The following FAXDC2 variants were observed in gnomAD, a reference collection of about 807,000 sequenced individuals.
FAXDC2 encodes fatty acid hydroxylase domain containing 2, also known as fatty acid hydroxylase domain-containing protein 2.
Under a neutral mutation model 40.9 loss-of-function variants are expected in FAXDC2, and 41 were observed. The observed-to-expected ratio is 1.00, with a 90% CI of 0.78 to 1.30. FAXDC2 has a LOEUF of 1.30. Among genes scored for constraint, FAXDC2 ranks in the 50% most tolerant of loss-of-function variants. The pLI is 0.00. For missense variants in FAXDC2, 390 were observed against 408.8 expected, an observed-to-expected ratio of 0.95 and a Z score of 0.40; for synonymous variants, 157 against 149.3, an observed-to-expected ratio of 1.05 and a Z score of -0.38.
chr5:154,836,941 C>T (rs766054982), intron 2 of FAXDC2, among the ~76,000 whole-genome samples: 1 of 152,122 alleles, frequency 6.6e-6, no homozygotes, highest in African/African-American at 2.4e-5. Context: ...TCCCAAAATG[C>T]TGGGATTACA....
intron 4 of FAXDC2, among the ~76,000 whole-genome samples, chr5:154,833,720 G>A (rs563842002): frequency 2.0e-5 from 3 of 151,390 alleles, no homozygotes; most frequent in East Asian, 2.0e-4. Context: ...CCCAGCTGGA[G>A]TGCAGTGTCA....
At position 154,831,018 on chromosome 5, in the gene FAXDC2, C is replaced by T. The variant is rs1760175556; in HGVS notation, c.245-96G>A. On this transcript the variant is annotated intron_variant, in intron 4 of 8. Coordinates refer to ENST00000326080, the MANE Select transcript of FAXDC2 (RefSeq NM_032385.5). Reference sequence around the variant, plus strand: ...TTTTTTGTGGTGACTGAGGCTTCATCCTAGACATTTCTTTGCCAGGGAGGT... The same window carrying T: ...TTTTTTGTGGTGACTGAGGCTTCATTCTAGACATTTCTTTGCCAGGGAGGT... The T allele has an allele frequency of 3.4e-6, 5 of 1,473,642 alleles. No individual in the cohort carries two copies. In the Admixed American group the frequency reaches 8.9e-5, roughly 26 times the overall value. 91.3% of individuals were successfully genotyped at this position (1,473,642 alleles called of 1,614,324 possible).
intron 1 of FAXDC2, among the ~76,000 whole-genome samples, chr5:154,846,198 G>A (rs1259785173): frequency 1.3e-5 from 2 of 151,628 alleles, no homozygotes; most frequent in Non-Finnish European, 2.9e-5. Flanking sequence ...AGCACAGGGT[G>A]AGTGTCAGGG....
At chr5:154,838,292 A>T in intron 1 of FAXDC2, 114 bp from the exon 2 acceptor site, 1 of 960,044 alleles carries the variant, frequency 1.0e-6, no homozygotes, top group Non-Finnish European at 1.6e-6. Flanking sequence ...AAAAAAAAAA[A>T]ATTGGCTTGT....
At chr5:154,844,868 T>C (rs1343589200) in intron 1 of FAXDC2, among the ~76,000 whole-genome samples, 2 of 152,174 alleles carry the variant, frequency 1.3e-5, no homozygotes, top group Non-Finnish European at 2.9e-5. Flanking sequence ...TTATGGAAAC[T>C]GCGTATTGCT....
chr5:154,824,071 T>G (rs1425326988), intron 5 of FAXDC2: 2 of 232,998 alleles, frequency 8.6e-6, no homozygotes, highest in African/African-American at 4.5e-5. Flanking sequence ...CTCCCTGCAG[T>G]AGGCCCAGAG....
At chr5:154,844,752 A>G (rs1369484345) in intron 1 of FAXDC2, among the ~76,000 whole-genome samples, 1 of 152,214 alleles carries the variant, frequency 6.6e-6, no homozygotes, top group African/African-American at 2.4e-5. Flanking sequence ...ACAAAAACCA[A>G]GAGGAACTAG....
At chr5:154,844,354 C>T (rs1373082356) in intron 1 of FAXDC2, among the ~76,000 whole-genome samples, 3 of 150,770 alleles carry the variant, frequency 2.0e-5, no homozygotes, top group African/African-American at 7.3e-5. Flanking sequence ...TGCACTCCTG[C>T]CTGGATGACA....
rs1329630387 is a variant in FAXDC2, at chr5:154,834,865, C to T, written c.118G>A (p.Ala40Thr). Residue 40 changes from alanine (A) to threonine (T), a missense_variant, in exon 3 of 9, where the codon GCC (alanine) becomes ACC (threonine). Transcript: ENST00000326080. ...ILGSGLLSFV[A>T]FWNSVTWHLQ... The stretch of plus-strand genomic sequence containing the variant: ...TACCATGTCACTGAGTTCCAGAAGG[C>T]CACAAATGAGAGAAGTCCAGAGCCC... The T allele has an allele frequency of 6.2e-7, 1 of 1,611,222 alleles. No individual in the cohort carries two copies. Among genetic ancestry groups the T allele is most frequent in the Admixed American group, 1.7e-5 (1 of 59,534 alleles).
chr5:154,837,319 A>C (rs938149337), intron 2 of FAXDC2, among the ~76,000 whole-genome samples: 1 of 151,624 alleles, frequency 6.6e-6, no homozygotes, highest in African/African-American at 2.4e-5. Context: ...TTTTGAGCCA[A>C]TGTTATTCTC....
At chr5:154,835,532 C>A (rs1161501889) in intron 2 of FAXDC2, among the ~76,000 whole-genome samples, 1 of 152,198 alleles carries the variant, frequency 6.6e-6, no homozygotes, top group Non-Finnish European at 1.5e-5. Context: ...TCCCTACCCT[C>A]CTCTTATTTT....
At chr5:154,823,268 C>G (rs1759932795) in intron 6 of FAXDC2, 119 bp downstream of exon 6, 1 of 875,900 alleles carries the variant, frequency 1.1e-6, no homozygotes, top group African/African-American at 1.7e-5. Context: ...CCCACCTCAG[C>G]CTCCCAAATT....
intron 2 of FAXDC2, 114 bp downstream of exon 2, chr5:154,838,017 G>A (rs1328024628): frequency 1.3e-5 from 9 of 714,052 alleles, no homozygotes; most frequent in South Asian, 1.1e-4. Flanking sequence ...ACATTACCAT[G>A]TGTCAGCCAC....
chr5:154,835,902 TTTTTTTTTTTTG>T (rs1760334367), intron 2 of FAXDC2, among the ~76,000 whole-genome samples: 1 of 129,460 alleles, frequency 7.7e-6, no homozygotes, highest in African/African-American at 2.9e-5. Context: ...TTTTTTTTTT[TTTTTTTTTTTTG>T]AGGCAGTGTT....
chr5:154,823,378 C>T lies in FAXDC2; in HGVS notation c.572+9G>A. ...GGAGCCAGCTGTGCCTCAGGCAGGGCCTGCTCACCGGTGTGAATAGTAGAA... is the reference window on the plus strand; with the variant it reads ...GGAGCCAGCTGTGCCTCAGGCAGGGTCTGCTCACCGGTGTGAATAGTAGAA... On this transcript the variant is annotated intron_variant, in intron 6 of 8. Coordinates refer to ENST00000326080, the MANE Select transcript of FAXDC2 (RefSeq NM_032385.5). The T allele has an allele frequency of 6.2e-7, 1 of 1,612,608 alleles. No individual in the cohort carries two copies. The highest frequency in any genetic ancestry group is 8.5e-7 in the Non-Finnish European group (1 of 1,179,708).
intron 1 of FAXDC2, among the ~76,000 whole-genome samples, chr5:154,844,458 C>T (rs1036952529): frequency 6.6e-6 from 1 of 151,636 alleles, no homozygotes; most frequent in Non-Finnish European, 1.5e-5. Flanking sequence ...GAAATAAGTG[C>T]ACAGAAGTTT....
chr5:154,824,411 C>T (rs1234365520), intron 5 of FAXDC2: 4 of 688,628 alleles, frequency 5.8e-6, no homozygotes, highest in Non-Finnish European at 1.1e-5. Context: ...GGAGGGATTT[C>T]TGCCCCAAAG....
At chr5:154,822,783 C>T (rs1034283301) in intron 6 of FAXDC2, among the ~76,000 whole-genome samples, 3 of 152,052 alleles carry the variant, frequency 2.0e-5, no homozygotes, top group Non-Finnish European at 4.4e-5. Context: ...CAGTTGTATT[C>T]GCTGTAAAAT....
chr5:154,830,960 G>C (rs772877658), intron 4 of FAXDC2, 38 bp from the exon 5 acceptor site: 2 of 1,610,274 alleles, frequency 1.2e-6, no homozygotes, highest in Non-Finnish European at 8.5e-7. Flanking sequence ...GGCGACTTTG[G>C]GTTCTCACAG....
Sources: allele counts gnomAD v4.1 joint callset (sites outside exome capture counted in the v4.1 genomes callset), GRCh38; gene constraint gnomAD v4.1.1; transcripts MANE v1.5; gene names NCBI Gene and HGNC (gene_info 2026-07-23, HGNC 2026-07-21).